The following TAAR5 variants were observed in gnomAD, a reference collection of about 807,000 sequenced individuals.
TAAR5 encodes trace amine-associated receptor 5.
Under a neutral mutation model 21.1 loss-of-function variants are expected in TAAR5, and 27 were observed. The ratio of observed to expected loss-of-function variants is 1.28; its 90% CI spans 0.94 to 1.76. TAAR5 has a LOEUF of 1.76. TAAR5 is among the 40% of genes most tolerant of loss of function. TAAR5 has a pLI of 0.00. For missense variants in TAAR5, 495 were observed against 405.6 expected (o/e 1.22, Z -1.89); for synonymous variants, 203 against 167.5 (o/e 1.21, Z -1.64).
the TAAR5 span, among the ~76,000 whole-genome samples, chr6:132,604,146 C>CTTTTT: frequency 4.8e-5 from 6 of 125,996 alleles, no homozygotes; most frequent in Admixed American, 8.2e-5. Flanking sequence ...TTTTTCTTTT[C>CTTTTT]TTTTTTTTTT....
chr6:132,594,511 G>A (rs908688634), upstream of TAAR5: 3 of 152,184 alleles, frequency 2.0e-5, no homozygotes, highest in Admixed American at 6.5e-5. Flanking sequence ...AAATGGGATT[G>A]AAAGCAGAGT....
chr6:132,605,731 T>G, the TAAR5 span, among the ~76,000 whole-genome samples: 4 of 152,146 alleles, frequency 2.6e-5, no homozygotes, highest in Admixed American at 2.0e-4. Context: ...AATATACCTA[T>G]GTAACAAACC....
At chr6:132,591,730 G>T (rs1246491247), upstream of TAAR5, among the ~76,000 whole-genome samples, 2 of 152,158 alleles carry the variant, frequency 1.3e-5, no homozygotes, top group Non-Finnish European at 2.9e-5. Context: ...CTGGAATAAG[G>T]CTGAAGAAGA....
At chr6:132,601,095 G>GGAA in the TAAR5 span, among the ~76,000 whole-genome samples, 1 of 67,686 alleles carries the variant, frequency 1.5e-5, no homozygotes, top group African/African-American at 6.4e-5. Context: ...GAAGGAGGGA[G>GGAA]GGAAGGAGGG....
upstream of TAAR5, among the ~76,000 whole-genome samples, chr6:132,590,046 A>G (rs1025283011): frequency 2.0e-5 from 3 of 152,206 alleles, no homozygotes; most frequent in African/African-American, 7.2e-5. Context: ...ATCCATAGGT[A>G]GTATTAAATA....
At chr6:132,603,145 G>A in the TAAR5 span, among the ~76,000 whole-genome samples, 5 of 151,662 alleles carry the variant, frequency 3.3e-5, no homozygotes, top group African/African-American at 1.2e-4. Flanking sequence ...TTGACTAAAA[G>A]TAAAAAATTG....
At chr6:132,592,511 C>T (rs886542906), upstream of TAAR5, among the ~76,000 whole-genome samples, 1 of 152,158 alleles carries the variant, frequency 6.6e-6, no homozygotes, top group African/African-American at 2.4e-5. Flanking sequence ...TCTGTGTCCC[C>T]GTGTAAATCT....
At chr6:132,596,188 G>T in the TAAR5 span, among the ~76,000 whole-genome samples, 1 of 152,102 alleles carries the variant, frequency 6.6e-6, no homozygotes, top group Non-Finnish European at 1.5e-5. Context: ...CTCAAGTTGA[G>T]GTCCTTTCCC....
the TAAR5 span, among the ~76,000 whole-genome samples, chr6:132,609,858 C>T: frequency 6.6e-6 from 1 of 152,292 alleles, no homozygotes; most frequent in South Asian, 2.1e-4. Flanking sequence ...TGAAACATGG[C>T]TGTTGAAAGC....
chr6:132,594,059 T>C (rs1005344558), upstream of TAAR5, among the ~76,000 whole-genome samples: 1 of 152,212 alleles, frequency 6.6e-6, no homozygotes, highest in Non-Finnish European at 1.5e-5. Context: ...AACTTTGCTT[T>C]TGCATCTGAT....
At chr6:132,600,890 AG>A in the TAAR5 span, among the ~76,000 whole-genome samples, 7 of 128,242 alleles carry the variant, frequency 5.5e-5, no homozygotes, top group African/African-American at 8.9e-5. Context: ...GGAGGGAAGA[AG>A]GGAAGGAGGG....
At chr6:132,589,776 A>AAAAAAG (rs398002859), upstream of TAAR5, 2 of 904,904 alleles carry the variant, frequency 2.2e-6, no homozygotes, top group East Asian at 2.9e-5. Context: ...AAAAAAAAAA[A>AAAAAAG]TATGTCTGCT....
chr6:132,613,705 G>C, the TAAR5 span, among the ~76,000 whole-genome samples: 1 of 152,192 alleles, frequency 6.6e-6, no homozygotes, highest in Admixed American at 6.6e-5. Flanking sequence ...ATTCATTTTA[G>C]TAGGAGGCAG....
At chr6:132,596,492 GA>G in the TAAR5 span, among the ~76,000 whole-genome samples, 1 of 152,028 alleles carries the variant, frequency 6.6e-6, no homozygotes, top group African/African-American at 2.4e-5. Context: ...AGATTTAATT[GA>G]AAAAGACATT....
chr6:132,598,187 C>G, the TAAR5 span, among the ~76,000 whole-genome samples: 1 of 152,122 alleles, frequency 6.6e-6, no homozygotes, highest in Non-Finnish European at 1.5e-5. Context: ...TTTGATATAT[C>G]TCATCCTTAC....
chr6:132,601,892 T>C, the TAAR5 span, among the ~76,000 whole-genome samples: 1 of 152,230 alleles, frequency 6.6e-6, no homozygotes, highest in Non-Finnish European at 1.5e-5. Context: ...CTTAAAGAAG[T>C]GTCTACCTCT....
Position 132,589,024 on chromosome 6 carries a change from C to T in TAAR5, c.663G>A (p.Lys221=). ...PCLIMISLYV[K]IFVVATRQAQ... ...CCTGTCTGGTAGCAACCACAAAGAT[C>T]TTCACATACAAGCTGATCATAATGA... The change falls in exon 1 of 1, where the codon AAG becomes AAA. Residue 221 remains lysine (K), a synonymous_variant. Coordinates refer to ENST00000258034, the MANE Select transcript of TAAR5 (RefSeq NM_003967.3). 6.2e-7 allele frequency: 1 copy of T among 1,614,074 alleles called. No homozygotes were observed. Among genetic ancestry groups the T allele is most frequent in the Non-Finnish European group, 8.5e-7 (1 of 1,180,002 alleles).
the TAAR5 span, among the ~76,000 whole-genome samples, chr6:132,599,711 G>A: frequency 6.6e-6 from 1 of 152,066 alleles, no homozygotes; most frequent in Non-Finnish European, 1.5e-5. Flanking sequence ...TGTCCTCTGT[G>A]GATATTCTTC....
At chr6:132,596,304 A>G in the TAAR5 span, among the ~76,000 whole-genome samples, 2 of 152,174 alleles carry the variant, frequency 1.3e-5, no homozygotes, top group East Asian at 3.8e-4. Flanking sequence ...TGTGAAAATA[A>G]TGGGACTGAC....
Sources: gnomAD v4.1 joint callset for allele counts (sites outside exome capture counted in the v4.1 genomes callset) on GRCh38, gnomAD v4.1.1 for gene constraint, MANE v1.5 for transcripts, NCBI Gene and HGNC (gene_info 2026-07-23, HGNC 2026-07-21) for gene names.